Variants in PARD3B observed in about 807,000 individuals in gnomAD.
PARD3B encodes partitioning defective 3 homolog B.
A neutral mutation model predicts 130.2 loss-of-function variants in PARD3B; 103 were observed. That is an observed-to-expected ratio of 0.79 (90% confidence interval 0.67 to 0.93). PARD3B has a LOEUF of 0.93. PARD3B is among the 40% of genes least tolerant of loss of function. PARD3B has a pLI of 0.00. For missense variants in PARD3B, 1,609 were observed against 1,499.2 expected (o/e 1.07, Z -1.21); for synonymous variants, 583 against 553.2 (o/e 1.05, Z -0.76).
intron 22 of PARD3B, among the ~76,000 whole-genome samples, chr2:205,606,341 C>G (rs1258033319): frequency 6.6e-6 from 1 of 152,206 alleles, no homozygotes; most frequent in African/African-American, 2.4e-5. Context: ...CACTGCCTCC[C>G]TTGGCTGGAG....
chr2:205,608,421 G>T (rs2055098674), intron 22 of PARD3B, among the ~76,000 whole-genome samples: 1 of 152,176 alleles, frequency 6.6e-6, no homozygotes, highest in Non-Finnish European at 1.5e-5. Flanking sequence ...TCCTTTGGTT[G>T]CCATTCTCTT....
chr2:204,953,420 C>CACAGAGAGAG (rs1396079084), intron 2 of PARD3B, among the ~76,000 whole-genome samples: 2 of 123,236 alleles, frequency 1.6e-5, no homozygotes, highest in Non-Finnish European at 3.4e-5. Context: ...TACACACACA[C>CACAGAGAGAG]AGAGAGAGAG....
rs888162126 is a variant in PARD3B, at chr2:205,563,077, G to A, written c.3260+9674G>A. Reference sequence around the variant, plus strand: ...TAACCATCTTGGATAAAAAGTTAGTGCCTCACCAAATGCATGAATACATGA... The same window carrying A: ...TAACCATCTTGGATAAAAAGTTAGTACCTCACCAAATGCATGAATACATGA... On this transcript the variant is annotated intron_variant, in intron 22 of 22. Transcript: ENST00000406610. This position sits in a 1 kb window ranked among gnomAD's most constrained non-coding sequence, Gnocchi z 4.2. Among the ~76,000 whole-genome samples the A allele has an allele frequency of 2.6e-5, 4 of 152,138 alleles. No homozygotes were observed. The highest frequency in any genetic ancestry group is 5.9e-5 in the Non-Finnish European group (4 of 68,034).
Position 205,309,941 on chromosome 2 carries a change from T to C in PARD3B, c.2630+8240T>C, listed in dbSNP as rs1009267516. Among the ~76,000 whole-genome samples, 5 of 151,902 alleles carry C rather than the reference T, an allele frequency of 3.3e-5. No homozygotes were observed. Among genetic ancestry groups the C allele is most frequent in the Non-Finnish European group, 7.4e-5 (5 of 67,990 alleles). On this transcript the variant is annotated intron_variant, in intron 18 of 22. Transcript: ENST00000406610. The surrounding 1 kb of genome is among the most constrained non-coding windows in gnomAD (Gnocchi z 4.7). ...CTATCTATCTATCATCTATTTTTCA[T>C]TGGAAAGTAAAAACTGTCTATATAT...
chr2:205,140,991 T>C (rs1175236292), intron 10 of PARD3B, among the ~76,000 whole-genome samples: 1 of 152,172 alleles, frequency 6.6e-6, no homozygotes, highest in African/African-American at 2.4e-5. Flanking sequence ...ACTTTTGATG[T>C]GGCTAAAATT....
chr2:204,671,826 C>A (rs2036316330), intron 1 of PARD3B, among the ~76,000 whole-genome samples: 1 of 151,892 alleles, frequency 6.6e-6, no homozygotes, highest in African/African-American at 2.4e-5. Context: ...AATAAAGACC[C>A]ACAGTCATCT....
At chr2:204,969,036 G>T (rs1315925675) in intron 3 of PARD3B, among the ~76,000 whole-genome samples, 1 of 152,172 alleles carries the variant, frequency 6.6e-6, no homozygotes, top group African/African-American at 2.4e-5. Context: ...CACACTTTAA[G>T]ATTCTGTGGC....
chr2:204,659,592 A>C (rs1456655974), intron 1 of PARD3B, among the ~76,000 whole-genome samples: 1 of 152,146 alleles, frequency 6.6e-6, no homozygotes, highest in Non-Finnish European at 1.5e-5. Context: ...GAAAGATTAC[A>C]TGTTTCCCCC....
At chr2:204,619,821 C>T (rs2034235387) in intron 1 of PARD3B, among the ~76,000 whole-genome samples, 1 of 152,080 alleles carries the variant, frequency 6.6e-6, no homozygotes, top group Non-Finnish European at 1.5e-5. Flanking sequence ...TCAGGGTAGT[C>T]CAACTTACTT....
intron 1 of PARD3B, among the ~76,000 whole-genome samples, chr2:204,592,149 GC>G (rs1295318341): frequency 6.6e-6 from 1 of 152,234 alleles, no homozygotes; most frequent in African/African-American, 2.4e-5. Flanking sequence ...ATGGCTGGAG[GC>G]CAAAGGTCTG....
intron 3 of PARD3B, among the ~76,000 whole-genome samples, chr2:205,017,762 C>G (rs1008134431): frequency 1.3e-5 from 2 of 152,164 alleles, no homozygotes; most frequent in African/African-American, 4.8e-5. Context: ...CTTCCTGAAT[C>G]ATCCTATGTA....
intron 2 of PARD3B, among the ~76,000 whole-genome samples, chr2:204,938,303 G>A (rs2125794578): frequency 6.6e-6 from 1 of 152,324 alleles, no homozygotes; most frequent in South Asian, 2.1e-4. Flanking sequence ...CTTACGCACT[G>A]TATTACAGCC....
chr2:205,101,218 T>C (rs1702765381), intron 4 of PARD3B, among the ~76,000 whole-genome samples: 2 of 152,146 alleles, frequency 1.3e-5, no homozygotes, highest in Non-Finnish European at 2.9e-5. Context: ...CTCAACATCA[T>C]TGGTCATTAC....
chr2:205,236,328 C>G (rs2039060715), intron 15 of PARD3B, among the ~76,000 whole-genome samples: 1 of 151,992 alleles, frequency 6.6e-6, no homozygotes. Context: ...GAATATTTCC[C>G]CAACTCATTC....
intron 2 of PARD3B, among the ~76,000 whole-genome samples, chr2:204,717,921 C>T (rs1473873592): frequency 1.3e-5 from 2 of 152,210 alleles, no homozygotes; most frequent in African/African-American, 4.8e-5. Context: ...TAGTGATTGA[C>T]ATTTGTGATG....
At chr2:204,578,012 T>C (rs2032358524) in intron 1 of PARD3B, among the ~76,000 whole-genome samples, 1 of 152,244 alleles carries the variant, frequency 6.6e-6, no homozygotes, top group South Asian at 2.1e-4. Context: ...GAAGGTACTT[T>C]TGGCATCTGT....
chr2:204,613,001 T>C (rs1396011531), intron 1 of PARD3B, among the ~76,000 whole-genome samples: 2 of 152,166 alleles, frequency 1.3e-5, no homozygotes, highest in Admixed American at 1.3e-4. Context: ...ATTAGTATGA[T>C]GATAAAATAT....
At chr2:204,557,940 T>C (rs1330780284) in intron 1 of PARD3B, 1 of 152,240 alleles carries the variant, frequency 6.6e-6, no homozygotes, top group Non-Finnish European at 1.5e-5. Context: ...GAATAATGTT[T>C]GATTTTCAGC....
intron 2 of PARD3B, among the ~76,000 whole-genome samples, chr2:204,839,759 T>C (rs1271389676): frequency 6.6e-6 from 1 of 152,016 alleles, no homozygotes; most frequent in Non-Finnish European, 1.5e-5. Flanking sequence ...GCAACCAAAT[T>C]CTTCATGAAG....
Sources: allele counts gnomAD v4.1 joint callset (sites outside exome capture counted in the v4.1 genomes callset), GRCh38; gene constraint gnomAD v4.1.1; non-coding constraint Gnocchi (gnomAD v3.1); transcripts MANE v1.5; gene names NCBI Gene and HGNC (gene_info 2026-07-23, HGNC 2026-07-21).